Variants in PRR14L observed in about 807,000 individuals in gnomAD.
The protein encoded by PRR14L is proline rich 14 like.
A neutral mutation model predicts 155.0 loss-of-function variants in PRR14L; 80 were observed. The observed-to-expected ratio is 0.52, with a 90% CI of 0.43 to 0.62. The LOEUF (loss-of-function observed/expected upper bound fraction) is 0.62. Ranked by LOEUF, PRR14L falls within the 20% of genes least tolerant of loss-of-function variation. PRR14L has a pLI of 0.00. For synonymous variants in PRR14L, 883 were observed against 916.0 expected, an observed-to-expected ratio of 0.96 and a Z score of 0.65; for missense variants, 2,469 against 2,548.0, an observed-to-expected ratio of 0.97 and a Z score of 0.67.
intron 6 of PRR14L, among the ~76,000 whole-genome samples, chr22:31,703,096 G>A (rs1379538309): frequency 6.6e-6 from 1 of 152,268 alleles, no homozygotes; most frequent in African/African-American, 2.4e-5. Flanking sequence ...GATTACAGGC[G>A]TGTGCCACCG....
chr22:31,684,411 G>A lies in PRR14L; in HGVS notation c.*1116C>T, dbSNP rs535167818. On this transcript the variant is annotated 3_prime_UTR_variant, in exon 9 of 9. Transcript: ENST00000327423. ...CTGCCTGGAAAGCCACAAATACTGT[G>A]GGTCAGCCTGTATCACTGCCCAAGC... 1 of 152,298 alleles carries A rather than the reference G, an allele frequency of 6.6e-6. No homozygotes were observed. Among genetic ancestry groups the A allele is most frequent in the East Asian group, 1.9e-4 (1 of 5,188 alleles). The allele number at this position is 152,298 out of a possible 1,614,324, so 9.4% of individuals were successfully genotyped here. A position where few individuals can be genotyped will look rare whatever the true frequency, so the allele number is the denominator to read the frequency against.
At position 31,745,249 on chromosome 22, in the gene PRR14L, C is replaced by T. The variant is rs2074831791; in HGVS notation, c.-52+4744G>A. Among the ~76,000 whole-genome samples the T allele has an allele frequency of 2.6e-5, 4 of 152,146 alleles. No homozygotes were observed. In the South Asian group the frequency reaches 8.3e-4, roughly 32 times the overall value. On this transcript the variant is annotated intron_variant, in intron 1 of 8. Transcript: ENST00000327423. ...AAAATTAGCCGGGTGTGGTGAGGGG[C>T]GCCTGTAGTCCCAGCTACTCGGGAG...
At chr22:31,721,440 CGCCTGTA>C (rs1276389813) in intron 3 of PRR14L, among the ~76,000 whole-genome samples, 1 of 151,994 alleles carries the variant, frequency 6.6e-6, no homozygotes, top group African/African-American at 2.4e-5. Flanking sequence ...TGGTGGCAGA[CGCCTGTA>C]GTCCCAGCTA....
chr22:31,746,081 C>T (rs2074836543), intron 1 of PRR14L, among the ~76,000 whole-genome samples: 1 of 151,902 alleles, frequency 6.6e-6, no homozygotes, highest in Admixed American at 6.6e-5. Context: ...AGGCGCGAGG[C>T]AGTGAACCCA....
chr22:31,717,577 T>C (rs573295363), intron 3 of PRR14L, among the ~76,000 whole-genome samples: 18 of 152,254 alleles, frequency 1.2e-4, no homozygotes, highest in African/African-American at 4.1e-4. Flanking sequence ...AACATAGAAA[T>C]ATGTTCCTAT....
rs1383732402 is a variant in PRR14L, at chr22:31,750,116, G to GCCA, written c.-178_-176dup. 1.3e-5 allele frequency: 2 copies of GCCA among 152,510 alleles called. No individual in the cohort carries two copies. The highest frequency in any genetic ancestry group is 2.9e-5 in the Non-Finnish European group (2 of 68,286). 9.4% of individuals were successfully genotyped at this position (152,510 alleles called of 1,614,324 possible). A position where few individuals can be genotyped will look rare whatever the true frequency, so the allele number is the denominator to read the frequency against. On this transcript the variant is annotated 5_prime_UTR_variant, in exon 1 of 9. Transcript: ENST00000327423. ...AGAGGCCGGGGGCGCTCCGGCCGCC[G>GCCA]CCACCTCTTCGTCTCTATGGTCCCC...
intron 3 of PRR14L, among the ~76,000 whole-genome samples, chr22:31,719,522 C>T (rs2074679136): frequency 6.6e-6 from 1 of 152,084 alleles, no homozygotes; most frequent in African/African-American, 2.4e-5. Flanking sequence ...TATAGTTCAG[C>T]ATAATGCCTG....
chr22:31,735,147 AAGAAC>A (rs1225788624), intron 2 of PRR14L, among the ~76,000 whole-genome samples: 2 of 152,196 alleles, frequency 1.3e-5, no homozygotes, highest in African/African-American at 2.4e-5. Flanking sequence ...GATTTTAAAA[AAGAAC>A]AGGGTGGCGG....
At chr22:31,733,970 A>AT (rs1329315560) in intron 2 of PRR14L, among the ~76,000 whole-genome samples, 1 of 151,092 alleles carries the variant, frequency 6.6e-6, no homozygotes, top group Non-Finnish European at 1.5e-5. Flanking sequence ...AAGTCTTCCC[A>AT]TTTTTTTCTT....
At chr22:31,695,657 C>T (rs540130497) in intron 7 of PRR14L, among the ~76,000 whole-genome samples, 5 of 152,278 alleles carry the variant, frequency 3.3e-5, no homozygotes, top group African/African-American at 9.6e-5. Flanking sequence ...AGTGCCCTAC[C>T]TCCGTCTGCA....
intron 2 of PRR14L, among the ~76,000 whole-genome samples, chr22:31,728,714 C>CAAAAA (rs773127360): frequency 1.3e-5 from 1 of 78,888 alleles, no homozygotes; most frequent in South Asian, 3.9e-4. Flanking sequence ...GACTCCATCT[C>CAAAAA]AAAAAAAAAA....
At chr22:31,691,057 G>A (rs55854042) in intron 7 of PRR14L, among the ~76,000 whole-genome samples, 308 of 151,270 alleles carry the variant, frequency 2.0e-3, no homozygotes, top group Non-Finnish European at 3.7e-3. Flanking sequence ...TCCGCATTCC[G>A]GGTTCAAGCG....
intron 1 of PRR14L, among the ~76,000 whole-genome samples, chr22:31,739,212 C>T (rs571824903): frequency 6.6e-6 from 1 of 152,310 alleles, no homozygotes; most frequent in East Asian, 1.9e-4. Flanking sequence ...CCTAAAGCAT[C>T]CAAGGATAGA....
Position 31,714,444 on chromosome 22 carries a change from CATG to C in PRR14L, c.3392_3394del (p.Ser1131del). 1 of 1,551,690 alleles carries C rather than the reference CATG, an allele frequency of 6.4e-7. No individual in the cohort carries two copies. The highest frequency in any genetic ancestry group is 2.4e-5 in the East Asian group (1 of 40,928). The stretch of plus-strand genomic sequence containing the variant: ...TAAAGATCTGCATACGTTTTCTTCA[CATG>C]ATTTTTTTATTTTGAGAAAGTCCAC... On this transcript the variant is annotated inframe_deletion, in exon 4 of 9. Transcript: ENST00000327423.
At chr22:31,685,841 C>T in intron 8 of PRR14L, 38 bp from the exon 9 acceptor site, 1 of 1,535,372 alleles carries the variant, frequency 6.5e-7, no homozygotes, top group Non-Finnish European at 8.8e-7. Context: ...AACAGACTGA[C>T]TCACATGGCC....
In PRR14L at chr22:31,714,743, T is replaced by C; in HGVS notation, c.3096A>G (p.Lys1032=). The part of the protein sequence containing the change: ...NNSLPCGSPK[K]CNLKGAFVKM... The stretch of plus-strand genomic sequence containing the variant: ...TGACAAAGGCTCCTTTCAAATTGCA[T>C]TTCTTTGGACTACCACAAGGTAGTG... The change falls in exon 4 of 9, where the codon AAA becomes AAG. Residue 1032 remains lysine (K), a synonymous_variant. Transcript: ENST00000327423. 1 of 1,552,350 alleles carries C rather than the reference T, an allele frequency of 6.4e-7. No individual in the cohort carries two copies. The highest frequency in any genetic ancestry group is 8.7e-7 in the Non-Finnish European group (1 of 1,147,126).
At chr22:31,700,990 A>ATTTT (rs997276060) in intron 7 of PRR14L, among the ~76,000 whole-genome samples, 1 of 139,598 alleles carries the variant, frequency 7.2e-6, no homozygotes, top group African/African-American at 2.6e-5. Flanking sequence ...AAGTTTGGCG[A>ATTTT]TTTTTTTTTT....
Position 31,714,207 on chromosome 22 carries a change from T to C in PRR14L, c.3632A>G (p.Glu1211Gly). ...TTTTGAGGAAATTCCAAAGGTACTT[T>C]CTTTGCCAAACTCAGAGTTTGGTTC... ...RLEPNSEFGK[E>G]STFGISSKES... The change falls in exon 4 of 9, where the codon GAA becomes GGA. Residue 1211 changes from glutamate to glycine, a missense_variant. Coordinates refer to ENST00000327423, the MANE Select transcript of PRR14L (RefSeq NM_173566.3). The C allele has an allele frequency of 6.4e-7, 1 of 1,551,642 alleles. No individual in the cohort carries two copies. The highest frequency in any genetic ancestry group is 8.7e-7 in the Non-Finnish European group (1 of 1,146,966).
At chr22:31,749,286 G>C (rs559583560) in intron 1 of PRR14L, among the ~76,000 whole-genome samples, 2 of 152,138 alleles carry the variant, frequency 1.3e-5, no homozygotes, top group South Asian at 4.1e-4. Context: ...ATAATGCAAG[G>C]GAAAGGAGCT....
Sources: allele counts gnomAD v4.1 joint callset (sites outside exome capture counted in the v4.1 genomes callset), GRCh38; gene constraint gnomAD v4.1.1; transcripts MANE v1.5; gene names NCBI Gene and HGNC (gene_info 2026-07-23, HGNC 2026-07-21).